Variants in LIPC observed in about 807,000 individuals in gnomAD.
LIPC encodes lipase C, hepatic type.
Under a neutral mutation model 50.7 loss-of-function variants are expected in LIPC, and 44 were observed. The ratio of observed to expected loss-of-function variants is 0.87; its 90% CI spans 0.68 to 1.11. The LOEUF (loss-of-function observed/expected upper bound fraction) is 1.11. Among genes scored for constraint, LIPC ranks in the 50% most tolerant of loss-of-function variants. LIPC has a pLI of 0.00. For missense variants in LIPC, 697 were observed against 648.2 expected (o/e 1.08, Z -0.82); for synonymous variants, 271 against 256.4 (o/e 1.06, Z -0.54).
chr15:58,528,275 G>A (rs1253172512), intron 1 of LIPC, among the ~76,000 whole-genome samples: 11 of 152,134 alleles, frequency 7.2e-5, no homozygotes, highest in African/African-American at 2.7e-4. Context: ...ACAGCCAGGC[G>A]TTCCCAGGTC....
At chr15:58,437,205 G>T (rs1893329735) in intron 1 of LIPC, among the ~76,000 whole-genome samples, 1 of 152,138 alleles carries the variant, frequency 6.6e-6, no homozygotes, top group Non-Finnish European at 1.5e-5. Flanking sequence ...GTTTCCAAGA[G>T]TCGTTGAGCC....
At chr15:58,562,325 G>A (rs1406655275) in intron 7 of LIPC, among the ~76,000 whole-genome samples, 1 of 152,244 alleles carries the variant, frequency 6.6e-6, no homozygotes, top group African/African-American at 2.4e-5. Context: ...GCAGTGCAGA[G>A]GCAGGTGGTG....
intron 8 of LIPC, 92 bp downstream of exon 8, chr15:58,563,815 G>T: frequency 1.9e-6 from 2 of 1,073,588 alleles, no homozygotes; most frequent in Non-Finnish European, 2.8e-6. Flanking sequence ...CATCATGTGA[G>T]GTGAGTATTA....
In LIPC at chr15:58,545,840, C is replaced by T. The variant is rs545537175; in HGVS notation, c.673C>T (p.Arg225Trp). Residue 225 changes from arginine to tryptophan, a missense_variant, in exon 5 of 9, where the codon CGG becomes TGG. Arg to Trp is a moderately radical substitution (Grantham distance 101). Coordinates refer to ENST00000299022, the MANE Select transcript of LIPC (RefSeq NM_000236.3). Reference protein sequence around the residue: ...NFVDAIHTFTREHMGLSVGIK... With the variant: ...NFVDAIHTFTWEHMGLSVGIK... ...TGTGGATGCCATTCATACCTTTACC[C>T]GGGAGCACATGGGCCTGAGCGTGGG... The T allele has an allele frequency of 8.1e-5, 131 of 1,614,052 alleles. No homozygotes were observed. Among genetic ancestry groups the T allele is most frequent in the Admixed American group, 1.2e-4 (7 of 60,008 alleles).
At chr15:58,557,513 C>G (rs1439919313) in intron 6 of LIPC, among the ~76,000 whole-genome samples, 1 of 151,460 alleles carries the variant, frequency 6.6e-6, no homozygotes, top group Non-Finnish European at 1.5e-5. Context: ...GCCTCCCCAG[C>G]AGCTGAGACT....
At chr15:58,542,454 G>A (rs1893363203) in intron 3 of LIPC, 80 bp from the exon 4 acceptor site, 12 of 891,204 alleles carry the variant, frequency 1.3e-5, no homozygotes, top group Non-Finnish European at 2.3e-5. Flanking sequence ...GAACAGGGTG[G>A]GCGCCACAAC....
At position 58,560,749 on chromosome 15, in the gene LIPC, A is replaced by C. The variant is rs527382659; in HGVS notation, c.1052-115A>C. ...GCAAAAAAATGTTGTTAACATATTA[A>C]TATCTATCCAAACTCTTCCCTCTGC... On this transcript the variant is annotated intron_variant, in intron 6 of 8. Transcript: ENST00000299022. 1,523 of 656,722 alleles carry C rather than the reference A, an allele frequency of 2.3e-3. 2 individuals are homozygous for C. The highest frequency in any genetic ancestry group is 3.7e-3 in the Non-Finnish European group (1,339 of 361,440). The allele number at this position is 656,722 out of a possible 1,614,324, so 40.7% of individuals were successfully genotyped here.
chr15:58,457,547 A>G (rs893283494), intron 1 of LIPC, among the ~76,000 whole-genome samples: 1 of 152,232 alleles, frequency 6.6e-6, no homozygotes, highest in African/African-American at 2.4e-5. Flanking sequence ...TGTGCCCCAC[A>G]TCCCCTCAGC....
intron 1 of LIPC, among the ~76,000 whole-genome samples, chr15:58,534,284 G>A (rs181989747): frequency 6.6e-6 from 1 of 152,338 alleles, no homozygotes; most frequent in Non-Finnish European, 1.5e-5. Flanking sequence ...GTAAAGGTAT[G>A]AGGGTGGGCA....
chr15:58,549,400 A>G (rs191601399), intron 6 of LIPC, among the ~76,000 whole-genome samples: 2 of 152,358 alleles, frequency 1.3e-5, no homozygotes, highest in East Asian at 3.9e-4. Context: ...TGGAGAATGT[A>G]AACAGGCCGT....
intron 1 of LIPC, among the ~76,000 whole-genome samples, chr15:58,480,024 C>T (rs34888457): frequency 0.36 from 55,292 of 152,058 alleles, 10,947 homozygotes; most frequent in South Asian, 0.5. Context: ...GTACATGTTG[C>T]TTGAGCAAAT....
chr15:58,444,168 T>G (rs745484151), intron 1 of LIPC, among the ~76,000 whole-genome samples: 4 of 152,146 alleles, frequency 2.6e-5, no homozygotes, highest in Non-Finnish European at 5.9e-5. Flanking sequence ...CTTGGTGTAT[T>G]ATTGTTCATG....
chr15:58,525,778 C>T (rs1356836682), intron 1 of LIPC, among the ~76,000 whole-genome samples: 2 of 152,200 alleles, frequency 1.3e-5, no homozygotes, highest in East Asian at 1.9e-4. Context: ...AAGAGTTATC[C>T]TGTCTGATAT....
At chr15:58,489,232 G>GGGC (rs1891493179) in intron 1 of LIPC, among the ~76,000 whole-genome samples, 1 of 120,852 alleles carries the variant, frequency 8.3e-6, no homozygotes, top group Admixed American at 8.4e-5. Flanking sequence ...GCGGGGGGGC[G>GGGC]GCTTACAAGC....
intron 1 of LIPC, among the ~76,000 whole-genome samples, chr15:58,482,458 G>A (rs1204844013): frequency 6.6e-6 from 1 of 152,132 alleles, no homozygotes; most frequent in Non-Finnish European, 1.5e-5. Context: ...ACAAACCTGA[G>A]TCTTCAATAG....
At chr15:58,484,785 A>G (rs1251006210) in intron 1 of LIPC, among the ~76,000 whole-genome samples, 6 of 152,266 alleles carry the variant, frequency 3.9e-5, no homozygotes, top group Non-Finnish European at 8.8e-5. Flanking sequence ...AACCACTTAC[A>G]AATGGAGTAT....
intron 1 of LIPC, among the ~76,000 whole-genome samples, chr15:58,483,947 G>A (rs752524606): frequency 6.6e-6 from 1 of 152,128 alleles, no homozygotes; most frequent in Non-Finnish European, 1.5e-5. Context: ...GAGGTTTATT[G>A]TTTGCTTTTA....
At chr15:58,548,739 G>A (rs1203385611) in intron 6 of LIPC, among the ~76,000 whole-genome samples, 167 bp downstream of exon 6, 1 of 152,170 alleles carries the variant, frequency 6.6e-6, no homozygotes, top group African/African-American at 2.4e-5. Flanking sequence ...CCTTTCTCCT[G>A]TCCCAAGAGT....
intron 1 of LIPC, chr15:58,436,501 AT>A (rs1170812314): frequency 4.1e-6 from 1 of 242,602 alleles, no homozygotes; most frequent in Non-Finnish European, 8.4e-6. Context: ...CTTTTTAAAA[AT>A]TGTTCACTGC....
Sources: gnomAD v4.1 joint callset for allele counts (sites outside exome capture counted in the v4.1 genomes callset) on GRCh38, gnomAD v4.1.1 for gene constraint, MANE v1.5 for transcripts, NCBI Gene and HGNC (gene_info 2026-07-23, HGNC 2026-07-21) for gene names.